The following TRAF7 variants were observed in gnomAD, a reference collection of about 807,000 sequenced individuals.
TRAF7 encodes TNF receptor associated factor 7, also known as E3 ubiquitin-protein ligase TRAF7.
TRAF7 carries 45 observed loss-of-function variants against 89.3 expected under a neutral mutation model. The ratio of observed to expected loss-of-function variants is 0.50; its 90% CI spans 0.40 to 0.65. The LOEUF (loss-of-function observed/expected upper bound fraction) is 0.65. Among genes scored for constraint, TRAF7 ranks in the 30% least tolerant of loss-of-function variants. TRAF7 has a pLI of 0.00. For missense variants in TRAF7, 677 were observed against 918.1 expected, an observed-to-expected ratio of 0.74 and a Z score of 3.39; for synonymous variants, 406 against 369.2, an observed-to-expected ratio of 1.10 and a Z score of -1.14.
Position 2,158,564 on chromosome 16 carries a change from C to G in TRAF7, c.-39+2706C>G, listed in dbSNP as rs1412556588. Among the ~76,000 whole-genome samples, 2 of 152,218 alleles carry G rather than the reference C, an allele frequency of 1.3e-5. No individual in the cohort carries two copies. Among genetic ancestry groups the G allele is most frequent in the African/African-American group, 4.8e-5 (2 of 41,452 alleles). On this transcript the variant is annotated intron_variant, in intron 1 of 20. Transcript: ENST00000326181. This position sits in a 1 kb window ranked among gnomAD's most constrained non-coding sequence, Gnocchi z 4.7. ...GGGAAAGGAGGTGGCAGTGCGGTGGCACGCTGGCATGAGGGCGCTGGGTGA... is the reference window on the plus strand; with the variant it reads ...GGGAAAGGAGGTGGCAGTGCGGTGGGACGCTGGCATGAGGGCGCTGGGTGA...
In TRAF7 at chr16:2,168,024, C is replaced by G. The variant is rs542222942; in HGVS notation, c.140-53C>G. The G allele has an allele frequency of 2.6e-6, 4 of 1,559,756 alleles. No homozygotes were observed. The highest frequency in any genetic ancestry group is 4.5e-5 in the East Asian group (2 of 44,422). The stretch of plus-strand genomic sequence containing the variant: ...GGTATCCAGCATGGGCCCCACCTCC[C>G]CCACATCTGCTGAGGGAGCCCCCAC... On this transcript the variant is annotated intron_variant, in intron 3 of 20. Transcript: ENST00000326181. This position sits in a 1 kb window ranked among gnomAD's most constrained non-coding sequence, Gnocchi z 4.1.
In TRAF7 at chr16:2,170,640, C is replaced by T. The variant is rs78086885; in HGVS notation, c.258C>T (p.Ser86=). The change falls in exon 5 of 21, where the codon TCC becomes TCT. Residue 86 remains serine, a synonymous_variant. Transcript: ENST00000326181. Reference sequence around the variant, plus strand: ...CCCCCATCAGCACTCCCCGCCGCTCCGACTCCGCCATCTCTGTCCGCTCCC... The same window carrying T: ...CCCCCATCAGCACTCCCCGCCGCTCTGACTCCGCCATCTCTGTCCGCTCCC... ...SMPPISTPRR[S]DSAISVRSLH... is the part of the protein sequence containing the mutation. The T allele has an allele frequency of 3.0e-4, 483 of 1,610,092 alleles. 3 individuals are homozygous for T. In the East Asian group the frequency reaches 0.01, roughly 34 times the overall value.
chr16:2,167,828 A>T lies in TRAF7; in HGVS notation c.140-249A>T, dbSNP rs149593123. On this transcript the variant is annotated intron_variant, in intron 3 of 20. Transcript: ENST00000326181. ...GGTAGGCAGGGCTGGGGCAGGGGCT[A>T]CCGGGCTCAGCGCTGGGACTGTCCA... Among the ~76,000 whole-genome samples, 6 of 152,202 alleles carry T rather than the reference A, an allele frequency of 3.9e-5. No homozygotes were observed. The South Asian group carries it at 1.2e-3, about 32-fold the overall frequency.
chr16:2,159,252 A>G lies in TRAF7; in HGVS notation c.-39+3394A>G, dbSNP rs1360540168. Among the ~76,000 whole-genome samples the G allele has an allele frequency of 6.6e-6, 1 of 151,872 alleles. No homozygotes were observed. Among genetic ancestry groups the G allele is most frequent in the Non-Finnish European group, 1.5e-5 (1 of 67,938 alleles). On this transcript the variant is annotated intron_variant, in intron 1 of 20. Coordinates refer to ENST00000326181, the MANE Select transcript of TRAF7 (RefSeq NM_032271.3). The surrounding 1 kb of genome is among the most constrained non-coding windows in gnomAD (Gnocchi z 6.5). ...GGGGGAGGAGTTCAGAGGCCTCTGC[A>G]GAGCTGGGGCTGTGGGTGTTGGGGG...
chr16:2,173,418 G>A lies in TRAF7; in HGVS notation c.1012+19G>A. On this transcript the variant is annotated intron_variant, in intron 10 of 20. Transcript: ENST00000326181. ...AAGTTTGGTGAGGGTGGGCACCGGG[G>A]CAGGCAGGGGCCTGGCCACTGCTCC... 1.2e-6 allele frequency: 2 copies of A among 1,612,212 alleles called. No homozygotes were observed. The highest frequency in any genetic ancestry group is 8.5e-7 in the Non-Finnish European group (1 of 1,178,970).
At chr16:2,167,059 G>C (rs1198742744) in intron 3 of TRAF7, among the ~76,000 whole-genome samples, 1 of 152,172 alleles carries the variant, frequency 6.6e-6, no homozygotes, top group African/African-American at 2.4e-5. Context: ...TTTGCTGCTG[G>C]TGATCCCCTC....
intron 2 of TRAF7, 97 bp from the exon 3 acceptor site, chr16:2,165,782 T>G (rs1404149280): frequency 3.5e-6 from 5 of 1,419,476 alleles, no homozygotes; most frequent in Non-Finnish European, 4.0e-6. Context: ...CTGCGTGGCC[T>G]GGCCTGGTCG....
intron 2 of TRAF7, among the ~76,000 whole-genome samples, chr16:2,165,176 C>A (rs576161862): frequency 7.2e-6 from 1 of 138,996 alleles, no homozygotes; most frequent in East Asian, 2.2e-4. Flanking sequence ...CTGGCCTGGT[C>A]GCATGGTTAA....
Position 2,161,129 on chromosome 16 carries a change from C to T in TRAF7, c.-38-2754C>T, listed in dbSNP as rs900918209. 6.6e-6 allele frequency among the ~76,000 whole-genome samples: 1 copy of T among 152,034 alleles called. No homozygotes were observed. Among genetic ancestry groups the T allele is most frequent in the Admixed American group, 6.5e-5 (1 of 15,274 alleles). On this transcript the variant is annotated intron_variant, in intron 1 of 20. Coordinates refer to ENST00000326181, the MANE Select transcript of TRAF7 (RefSeq NM_032271.3). This position sits in a 1 kb window ranked among gnomAD's most constrained non-coding sequence, Gnocchi z 5.2. The stretch of plus-strand genomic sequence containing the variant: ...TCCCTGGCTGGGGCTGAACACTGAA[C>T]CCGAGTGAACTGGGAAGCAGCCTCC...
At position 2,175,613 on chromosome 16, in the gene TRAF7, G is replaced by A. The variant is rs145525624; in HGVS notation, c.1617G>A (p.Gln539=). 9.6e-4 allele frequency: 1,544 copies of A among 1,612,008 alleles called. 5 individuals carry two copies. Among genetic ancestry groups the A allele is most frequent in the Non-Finnish European group, 9.5e-4 (1,124 of 1,179,632 alleles). ...GCTACCTGTACAGCGGCTCCTACCA[G>A]ACAATCAAGGTGCGCTTGGGCACAC... The part of the protein sequence containing the change: ...AQSYLYSGSY[Q]TIKIWDIRTL... Residue 539 remains glutamine, a synonymous_variant, in exon 17 of 21, where the codon CAG becomes CAA. Transcript: ENST00000326181.
intron 14 of TRAF7, among the ~76,000 whole-genome samples, chr16:2,174,797 T>C (rs943786259): frequency 2.6e-5 from 4 of 152,188 alleles, no homozygotes; most frequent in African/African-American, 9.7e-5. Flanking sequence ...GCGTGAGAGA[T>C]GCTCGCTTTC....
chr16:2,174,471 C>A, intron 14 of TRAF7, 138 bp downstream of exon 14: 1 of 754,358 alleles, frequency 1.3e-6, no homozygotes, highest in Admixed American at 2.5e-5. Context: ...CCACCCGGAG[C>A]AGCACTGTTT....
rs918717658 is a variant in TRAF7, at chr16:2,178,092, C to T, written c.*1518C>T. 4 of 500,396 alleles carry T rather than the reference C, an allele frequency of 8.0e-6. No homozygotes were observed. The highest frequency in any genetic ancestry group is 9.1e-5 in the East Asian group (2 of 22,000). 31.0% of individuals were successfully genotyped at this position (500,396 alleles called of 1,614,324 possible). The stretch of plus-strand genomic sequence containing the variant: ...TTTGTTTCTCTGGGGAAATCCGCCT[C>T]AGCTCATTCCCAATAAATTAATACT... On this transcript the variant is annotated 3_prime_UTR_variant, in exon 21 of 21. Transcript: ENST00000326181.
chr16:2,157,804 G>A (rs995173084), intron 1 of TRAF7, among the ~76,000 whole-genome samples: 21 of 152,268 alleles, frequency 1.4e-4, no homozygotes, highest in South Asian at 1.0e-3. Context: ...AGCCGTGGAC[G>A]AAGCAGAAGG....
Position 2,163,832 on chromosome 16 carries a change from C to T in TRAF7, c.-38-51C>T, listed in dbSNP as rs544750702. 2 of 1,229,598 alleles carry T rather than the reference C, an allele frequency of 1.6e-6. No homozygotes were observed. Among genetic ancestry groups the T allele is most frequent in the African/African-American group, 3.0e-5 (2 of 67,142 alleles). 76.2% of individuals were successfully genotyped at this position (1,229,598 alleles called of 1,614,324 possible). The stretch of plus-strand genomic sequence containing the variant: ...CACTTGCAGCAGCCCGTCTGACTCA[C>T]AGGGGCCTGGGCTCCATCTCTCAAG... On this transcript the variant is annotated intron_variant, in intron 1 of 20. Transcript: ENST00000326181. The surrounding 1 kb of genome is among the most constrained non-coding windows in gnomAD (Gnocchi z 4.3).
chr16:2,170,795 C>A, intron 5 of TRAF7, 65 bp downstream of exon 5: 1 of 1,442,490 alleles, frequency 6.9e-7, no homozygotes, highest in South Asian at 1.2e-5. Flanking sequence ...GGCACGGAGG[C>A]ACCTTCCCCT....
intron 1 of TRAF7, among the ~76,000 whole-genome samples, chr16:2,160,176 G>C (rs1415981361): frequency 6.6e-6 from 1 of 152,016 alleles, no homozygotes; most frequent in Non-Finnish European, 1.5e-5. Context: ...GGTGGACAAA[G>C]ACCCTGGGCC....
intron 7 of TRAF7, among the ~76,000 whole-genome samples, chr16:2,171,928 C>T (rs747592533): frequency 7.9e-5 from 12 of 152,194 alleles, no homozygotes; most frequent in Non-Finnish European, 1.3e-4. Flanking sequence ...GCACGGCGCC[C>T]GCTCCTGCCT....
At position 2,172,523 on chromosome 16, in the gene TRAF7, C is replaced by T; in HGVS notation, c.718C>T (p.Pro240Ser). 6.3e-7 allele frequency: 1 copy of T among 1,595,238 alleles called. No individual in the cohort carries two copies. The highest frequency in any genetic ancestry group is 1.1e-5 in the South Asian group (1 of 88,438). ...GCGGTGTCCCAACAACCCCAGCTGC[C>T]CCCCGCTGCTCAGGATGAACCTGGA... is the stretch of plus-strand genomic sequence containing the variant. ...PVRCPNNPSC[P>S]PLLRMNLEAH... The change falls in exon 9 of 21, where the codon CCC (proline) becomes TCC (serine). Residue 240 changes from proline to serine, a missense_variant. Pro to Ser is a moderately conservative substitution (Grantham distance 74). Transcript: ENST00000326181.
Sources: allele counts gnomAD v4.1 joint callset (sites outside exome capture counted in the v4.1 genomes callset), GRCh38; gene constraint gnomAD v4.1.1; non-coding constraint Gnocchi (gnomAD v3.1); transcripts MANE v1.5; gene names NCBI Gene and HGNC (gene_info 2026-07-23, HGNC 2026-07-21).